Variants in ADGRL2 observed in about 807,000 individuals in gnomAD.
The protein encoded by ADGRL2 is adhesion G protein-coupled receptor L2.
A neutral mutation model predicts 157.4 loss-of-function variants in ADGRL2; 44 were observed. The observed-to-expected ratio is 0.28, with a 90% CI of 0.22 to 0.36. The LOEUF (loss-of-function observed/expected upper bound fraction) is 0.36, where lower values mean the gene tolerates loss of function less well. Among genes scored for constraint, ADGRL2 ranks in the 10% least tolerant of loss-of-function variants. The pLI is 1.00. For synonymous variants in ADGRL2, 585 were observed against 624.7 expected, an observed-to-expected ratio of 0.94 and a Z score of 0.95; for missense variants, 1,510 against 1,768.9, an observed-to-expected ratio of 0.85 and a Z score of 2.63.
intron 17 of ADGRL2, among the ~76,000 whole-genome samples, chr1:81,975,832 T>C (rs6598977): frequency 0.31 from 46,459 of 151,862 alleles, 7,262 homozygotes; most frequent in Admixed American, 0.32. Context: ...CTGCCTCTTG[T>C]TCTCATTTCC....
chr1:81,791,599 A>G (rs756225308), intron 2 of ADGRL2, among the ~76,000 whole-genome samples: 3 of 152,174 alleles, frequency 2.0e-5, no homozygotes, highest in Non-Finnish European at 2.9e-5. Flanking sequence ...AGTGGCACAC[A>G]GGAAAAAAAA....
At chr1:81,746,948 A>ATGTATATACACACGTATACACATGTG (rs2085277165) in intron 1 of ADGRL2, among the ~76,000 whole-genome samples, 2 of 142,648 alleles carry the variant, frequency 1.4e-5, no homozygotes, top group African/African-American at 2.6e-5. Flanking sequence ...ATACACATGT[A>ATGTATATACACACGTATACACATGTG]TGTATATACG....
At chr1:81,671,600 C>T (rs1343654579) in intron 3 of ADGRL2, among the ~76,000 whole-genome samples, 1 of 152,064 alleles carries the variant, frequency 6.6e-6, no homozygotes, top group African/African-American at 2.4e-5. Context: ...GCAACCTCCA[C>T]CTCCTGGGTT....
At chr1:81,541,124 A>G (rs995527494) in intron 2 of ADGRL2, among the ~76,000 whole-genome samples, 1 of 152,204 alleles carries the variant, frequency 6.6e-6, no homozygotes, top group Non-Finnish European at 1.5e-5. Flanking sequence ...AACCATATCA[A>G]TAATCTTACA....
At chr1:81,382,597 G>C (rs771616053) in intron 1 of ADGRL2, among the ~76,000 whole-genome samples, 6 of 152,262 alleles carry the variant, frequency 3.9e-5, no homozygotes, top group Middle Eastern at 3.4e-3. Context: ...AGGGGTGGGG[G>C]AAGCAGAGGC....
In ADGRL2 at chr1:81,985,261, T is replaced by G. The variant is rs1215985236; in HGVS notation, c.3414T>G (p.Ser1138Arg). Residue 1138 changes from serine to arginine, a missense_variant and splice_region_variant, in exon 21 of 24, where the codon AGT becomes AGG. Transcript: ENST00000686636. Reference protein sequence around the residue: ...TSARYSSGTQSRIRRMWNDTV... With the variant: ...TSARYSSGTQRRIRRMWNDTV... ...GTCTTGCTGTTTTGTATTAATAGAG[T>G]CGTATAAGAAGAATGTGGAATGATA... The G allele has an allele frequency of 6.4e-7, 1 of 1,557,146 alleles. No individual in the cohort carries two copies. The highest frequency in any genetic ancestry group is 8.8e-7 in the Non-Finnish European group (1 of 1,133,316).
At chr1:81,596,989 A>G (rs2081247417) in intron 3 of ADGRL2, among the ~76,000 whole-genome samples, 1 of 152,200 alleles carries the variant, frequency 6.6e-6, no homozygotes, top group Non-Finnish European at 1.5e-5. Context: ...ACATGATTAA[A>G]TTTTTAAAAA....
chr1:81,322,093 T>TATATATATATATAC (rs1660546444), intron 1 of ADGRL2, among the ~76,000 whole-genome samples: 8 of 117,066 alleles, frequency 6.8e-5, no homozygotes, highest in Admixed American at 4.8e-4. Context: ...AATTCATATA[T>TATATATATATATAC]ATATATATAT....
intron 1 of ADGRL2, among the ~76,000 whole-genome samples, chr1:81,372,186 T>A (rs1474283954): frequency 3.3e-5 from 5 of 152,182 alleles, no homozygotes; most frequent in African/African-American, 4.8e-5. Flanking sequence ...TCAACTTTTT[T>A]AAAATGGGAA....
At chr1:81,847,089 A>G (rs2092821450) in intron 2 of ADGRL2, among the ~76,000 whole-genome samples, 1 of 151,656 alleles carries the variant, frequency 6.6e-6, no homozygotes, top group South Asian at 2.1e-4. Context: ...AACCCATTGC[A>G]CTGGTAGGAA....
At chr1:81,742,065 A>G (rs1325630807) in intron 1 of ADGRL2, among the ~76,000 whole-genome samples, 1 of 151,918 alleles carries the variant, frequency 6.6e-6, no homozygotes, top group Non-Finnish European at 1.5e-5. Context: ...AGGCAGTAGT[A>G]TGTATTATAG....
chr1:81,349,977 T>C (rs1662767622), intron 1 of ADGRL2, among the ~76,000 whole-genome samples: 1 of 152,126 alleles, frequency 6.6e-6, no homozygotes, highest in Non-Finnish European at 1.5e-5. Context: ...TCATTTTTTT[T>C]CCCCTGTGCA....
At chr1:81,854,784 CT>C (rs35393934) in intron 2 of ADGRL2, among the ~76,000 whole-genome samples, 11,837 of 152,126 alleles carry the variant, frequency 0.078, 534 homozygotes, top group South Asian at 0.16. Context: ...GAGAAAAGTT[CT>C]TCTGAGCTCC....
chr1:81,797,552 T>C (rs1033210746), upstream of ADGRL2, among the ~76,000 whole-genome samples: 2 of 152,196 alleles, frequency 1.3e-5, no homozygotes, highest in African/African-American at 4.8e-5. Flanking sequence ...TACTGTGTTC[T>C]ATTGGCTTAC....
chr1:81,377,139 C>T (rs936847466), intron 1 of ADGRL2, among the ~76,000 whole-genome samples: 1 of 152,198 alleles, frequency 6.6e-6, no homozygotes, highest in Non-Finnish European at 1.5e-5. Flanking sequence ...GAGGCCACTG[C>T]ACTCCAGCCT....
upstream of ADGRL2, among the ~76,000 whole-genome samples, chr1:81,695,180 C>T (rs2083417978): frequency 6.6e-6 from 1 of 151,944 alleles, no homozygotes; most frequent in South Asian, 2.1e-4. Context: ...TCGACAGTCT[C>T]TTGATAACAT....
chr1:81,341,609 C>T (rs551739754), intron 1 of ADGRL2, among the ~76,000 whole-genome samples: 2 of 152,146 alleles, frequency 1.3e-5, no homozygotes, highest in East Asian at 3.9e-4. Flanking sequence ...TTTGAAGTAA[C>T]AGTTTACTAT....
intron 2 of ADGRL2, among the ~76,000 whole-genome samples, chr1:81,563,831 T>C (rs894364160): frequency 6.6e-6 from 1 of 152,184 alleles, no homozygotes; most frequent in African/African-American, 2.4e-5. Flanking sequence ...AGCAAAAATT[T>C]CAATCACACC....
intron 2 of ADGRL2, among the ~76,000 whole-genome samples, chr1:81,865,501 C>G (rs938802507): frequency 4.6e-5 from 7 of 152,092 alleles, no homozygotes; most frequent in African/African-American, 1.7e-4. Context: ...AGATGAGGAG[C>G]CTACCTATTC....
Sources: gnomAD v4.1 joint callset for allele counts (sites outside exome capture counted in the v4.1 genomes callset) on GRCh38, gnomAD v4.1.1 for gene constraint, MANE v1.5 for transcripts, NCBI Gene and HGNC (gene_info 2026-07-23, HGNC 2026-07-21) for gene names.